Variants in PCDH11X observed in about 807,000 individuals in gnomAD.
The protein encoded by PCDH11X is protocadherin 11 X-linked, also known as protocadherin-11 X-linked.
Under a neutral mutation model 53.3 loss-of-function variants are expected in PCDH11X, and 18 were observed. The observed-to-expected ratio is 0.34, with a 90% CI of 0.23 to 0.50. The LOEUF (loss-of-function observed/expected upper bound fraction) is 0.50. Ranked by LOEUF, PCDH11X falls within the 20% of genes least tolerant of loss-of-function variation. The pLI is 0.98. For missense variants in PCDH11X, 570 were observed against 1,032.4 expected, an observed-to-expected ratio of 0.55 and a Z score of 6.14; for synonymous variants, 279 against 393.3, an observed-to-expected ratio of 0.71 and a Z score of 3.44.
intron 10 of PCDH11X, among the ~76,000 whole-genome samples, chrX:92,610,661 T>C (rs183607020): frequency 1.1e-4 from 12 of 111,698 alleles, no homozygotes; most frequent in Middle Eastern, 9.2e-3. Flanking sequence ...AGTCATAAAT[T>C]CTTTGCCAAG....
intron 9 of PCDH11X, among the ~76,000 whole-genome samples, chrX:92,420,264 T>G (rs1020820928): frequency 1.8e-5 from 2 of 112,250 alleles, no homozygotes; most frequent in African/African-American, 6.5e-5. Context: ...TCATACATAA[T>G]TTAAGGAATT....
chrX:92,320,456 CT>C (rs2069175600), intron 8 of PCDH11X, among the ~76,000 whole-genome samples: 1 of 110,436 alleles, frequency 9.1e-6, no homozygotes, highest in Non-Finnish European at 1.9e-5. Context: ...CAAACACATA[CT>C]TTTTTTCAAC....
intron 4 of PCDH11X, among the ~76,000 whole-genome samples, chrX:91,822,562 CT>C (rs1184875926): frequency 5.0e-4 from 54 of 108,053 alleles, no homozygotes; most frequent in Middle Eastern, 4.7e-3. Context: ...ATTCTTCTCT[CT>C]TTTTTTCTTT....
chrX:92,553,930 T>C (rs2075004219), intron 10 of PCDH11X, among the ~76,000 whole-genome samples: 1 of 111,467 alleles, frequency 9.0e-6, no homozygotes, highest in Non-Finnish European at 1.9e-5. Context: ...AAAAGCTTGG[T>C]AAATTCAGCA....
At chrX:92,016,857 A>G (rs2062802562) in intron 6 of PCDH11X, among the ~76,000 whole-genome samples, 1 of 110,593 alleles carries the variant, frequency 9.0e-6, no homozygotes, top group Admixed American at 9.8e-5. Flanking sequence ...CAAGAAGCCT[A>G]GTTTTCTGCC....
At chrX:91,844,868 C>A (rs1937596521) in intron 5 of PCDH11X, among the ~76,000 whole-genome samples, 1 of 108,093 alleles carries the variant, frequency 9.3e-6, no homozygotes, top group African/African-American at 3.4e-5. Context: ...GACAGTGGAA[C>A]AAGGGGAGCA....
intron 9 of PCDH11X, among the ~76,000 whole-genome samples, chrX:92,424,861 G>T (rs1385875060): frequency 1.0e-5 from 1 of 97,017 alleles, no homozygotes; most frequent in East Asian, 3.0e-4. Flanking sequence ...GTATATATGG[G>T]CTATACTGGG....
chrX:92,183,696 T>A (rs1222292061), intron 6 of PCDH11X, among the ~76,000 whole-genome samples: 1 of 112,576 alleles, frequency 8.9e-6, no homozygotes, highest in African/African-American at 3.2e-5. Flanking sequence ...AATCTTATGC[T>A]TCTATTTTCC....
chrX:92,368,129 C>A (rs1383302110), intron 8 of PCDH11X, among the ~76,000 whole-genome samples: 3 of 99,366 alleles, frequency 3.0e-5, no homozygotes, highest in Non-Finnish European at 6.1e-5. Context: ...TTCAGGTAAA[C>A]CAATTCATCA....
intron 10 of PCDH11X, among the ~76,000 whole-genome samples, chrX:92,568,675 A>G (rs1354689298): frequency 1.8e-5 from 2 of 110,190 alleles, no homozygotes; most frequent in African/African-American, 6.6e-5. Flanking sequence ...TTTAAATACT[A>G]TTTATTCACT....
chrX:91,948,700 G>A (rs137986712), intron 6 of PCDH11X, among the ~76,000 whole-genome samples: 1,300 of 109,201 alleles, frequency 0.012, 10 homozygotes, highest in Non-Finnish European at 0.019. Context: ...GGGAACTTTC[G>A]GTGCAGTGGG....
chrX:91,823,127 G>T (rs1374943040), intron 4 of PCDH11X, among the ~76,000 whole-genome samples: 1 of 109,320 alleles, frequency 9.1e-6, no homozygotes, highest in South Asian at 4.0e-4. Flanking sequence ...GTGTGGTGTG[G>T]TGCTGAAAAA....
At chrX:92,310,897 C>G (rs1192147630) in intron 8 of PCDH11X, among the ~76,000 whole-genome samples, 2 of 111,600 alleles carry the variant, frequency 1.8e-5, no homozygotes, top group Non-Finnish European at 3.8e-5. Flanking sequence ...CCTAGTTCAC[C>G]TGAAACTCTG....
chrX:92,340,820 T>C (rs2069738844), intron 8 of PCDH11X, among the ~76,000 whole-genome samples: 1 of 64,078 alleles, frequency 1.6e-5, no homozygotes, highest in African/African-American at 7.4e-5. Context: ...TTTTTAGCTA[T>C]ACAAATCTCT....
At chrX:92,006,518 T>C (rs1398388966) in intron 6 of PCDH11X, among the ~76,000 whole-genome samples, 2 of 111,214 alleles carry the variant, frequency 1.8e-5, no homozygotes, top group Non-Finnish European at 3.8e-5. Context: ...CTTCTCTGTG[T>C]TATCTTGACC....
At chrX:91,792,018 C>G (rs1266171421) in intron 1 of PCDH11X, among the ~76,000 whole-genome samples, 1 of 109,332 alleles carries the variant, frequency 9.1e-6, no homozygotes, top group African/African-American at 3.3e-5. Flanking sequence ...CCCGCCACCG[C>G]GCCTGGCTAA....
chrX:92,081,030 C>T (rs1186817461), intron 6 of PCDH11X, among the ~76,000 whole-genome samples: 1 of 110,408 alleles, frequency 9.1e-6, no homozygotes, highest in East Asian at 2.9e-4. Context: ...CGATCATGCA[C>T]CTATTGTTTT....
intron 10 of PCDH11X, among the ~76,000 whole-genome samples, chrX:92,473,299 G>T (rs1198920592): frequency 3.6e-5 from 4 of 110,396 alleles, no homozygotes; most frequent in African/African-American, 1.3e-4. Context: ...GGTATCAGTT[G>T]TAATGTCTCC....
intron 6 of PCDH11X, among the ~76,000 whole-genome samples, chrX:92,124,523 C>A (rs189286634): frequency 3.9e-4 from 40 of 103,524 alleles, no homozygotes; most frequent in African/African-American, 1.4e-3. Flanking sequence ...CCAGCCTGGG[C>A]AACAAGAGCA....
Sources: allele counts gnomAD v4.1 joint callset (sites outside exome capture counted in the v4.1 genomes callset), GRCh38; gene constraint gnomAD v4.1.1; transcripts MANE v1.5; gene names NCBI Gene and HGNC (gene_info 2026-07-23, HGNC 2026-07-21).